LUZP2: variants seen among roughly 807,000 people sequenced by gnomAD.
The protein encoded by LUZP2 is leucine zipper protein 2.
In LUZP2, 52 loss-of-function variants were observed where a neutral mutation model predicts 51.6. The ratio of observed to expected loss-of-function variants is 1.01; its 90% CI spans 0.81 to 1.27. The LOEUF is 1.27. Among genes scored for constraint, LUZP2 ranks in the 50% most tolerant of loss-of-function variants. LUZP2 has a pLI of 0.00. For synonymous variants in LUZP2, 154 were observed against 137.3 expected (o/e 1.12, Z -0.85); for missense variants, 436 against 395.4 (o/e 1.10, Z -0.87).
chr11:24,699,677 A>G (rs1438675298), intron 1 of LUZP2, among the ~76,000 whole-genome samples: 1 of 143,290 alleles, frequency 7.0e-6, no homozygotes, highest in East Asian at 2.2e-4. Flanking sequence ...ACACACACAC[A>G]TATATACACA....
chr11:24,924,378 C>A (rs948159055), intron 7 of LUZP2, among the ~76,000 whole-genome samples: 1 of 151,856 alleles, frequency 6.6e-6, no homozygotes, highest in Non-Finnish European at 1.5e-5. Flanking sequence ...GCACCCAGCC[C>A]GCTTGCCCCT....
intron 1 of LUZP2, among the ~76,000 whole-genome samples, chr11:24,599,913 A>C (rs999541819): frequency 9.2e-5 from 14 of 152,146 alleles, no homozygotes; most frequent in African/African-American, 3.4e-4. Flanking sequence ...ACACATAAGC[A>C]TGGGTTACAT....
intron 5 of LUZP2, among the ~76,000 whole-genome samples, chr11:24,887,458 G>A (rs796710953): frequency 1.3e-5 from 2 of 152,194 alleles, no homozygotes; most frequent in African/African-American, 2.4e-5. Context: ...TAAGGTGTGG[G>A]TTATTTTAAG....
intron 7 of LUZP2, among the ~76,000 whole-genome samples, chr11:24,969,449 A>G (rs992622502): frequency 2.0e-5 from 3 of 152,100 alleles, no homozygotes; most frequent in Admixed American, 1.3e-4. Flanking sequence ...CCTGCTGTAT[A>G]TTTATTTCTT....
intron 5 of LUZP2, among the ~76,000 whole-genome samples, chr11:24,849,130 A>T (rs2716523): frequency 1.3e-3 from 200 of 152,274 alleles, no homozygotes; most frequent in African/African-American, 4.6e-3. Flanking sequence ...CTCATTTGAT[A>T]TATCTTTTTT....
chr11:24,917,010 T>C (rs910943702), intron 7 of LUZP2, among the ~76,000 whole-genome samples: 1 of 152,182 alleles, frequency 6.6e-6, no homozygotes, highest in African/African-American at 2.4e-5. Context: ...TTCCTGACTT[T>C]TTAATGATCA....
chr11:24,729,313 A>G (rs375655509), intron 2 of LUZP2, 27 bp downstream of exon 2: 5 of 1,247,214 alleles, frequency 4.0e-6, no homozygotes, highest in Non-Finnish European at 5.6e-6. Flanking sequence ...TTTTCCGAGC[A>G]GTAAAAGAGG....
At chr11:24,701,080 T>C (rs1857407255) in intron 1 of LUZP2, among the ~76,000 whole-genome samples, 1 of 152,196 alleles carries the variant, frequency 6.6e-6, no homozygotes, top group South Asian at 2.1e-4. Context: ...TGTGTTGCTA[T>C]ACAGAAATAC....
At chr11:24,744,948 C>T (rs527660497) in intron 4 of LUZP2, among the ~76,000 whole-genome samples, 1 of 152,192 alleles carries the variant, frequency 6.6e-6, no homozygotes, top group East Asian at 1.9e-4. Flanking sequence ...AAATTTCCAT[C>T]TTGATTTCAT....
chr11:24,764,002 A>G (rs1738222544), intron 5 of LUZP2, among the ~76,000 whole-genome samples: 1 of 152,202 alleles, frequency 6.6e-6, no homozygotes, highest in African/African-American at 2.4e-5. Flanking sequence ...GAAAATATCA[A>G]CATACCAGAG....
At chr11:24,619,804 A>G (rs1416093033) in intron 1 of LUZP2, among the ~76,000 whole-genome samples, 1 of 152,170 alleles carries the variant, frequency 6.6e-6, no homozygotes, top group Non-Finnish European at 1.5e-5. Flanking sequence ...TTAGGGAATA[A>G]TAATAAGAAA....
chr11:25,076,937 A>G (rs1442796768), intron 10 of LUZP2, among the ~76,000 whole-genome samples: 1 of 152,144 alleles, frequency 6.6e-6, no homozygotes, highest in Non-Finnish European at 1.5e-5. Flanking sequence ...ATTGCTTCCT[A>G]GCTTGCAATA....
intron 1 of LUZP2, among the ~76,000 whole-genome samples, chr11:24,570,852 T>G (rs2133799674): frequency 6.6e-6 from 1 of 152,172 alleles, no homozygotes. Flanking sequence ...AAAGTTTTCT[T>G]TTCATAAATT....
At chr11:24,781,559 G>C (rs540282713) in intron 5 of LUZP2, among the ~76,000 whole-genome samples, 1 of 140,630 alleles carries the variant, frequency 7.1e-6, no homozygotes, top group African/African-American at 2.7e-5. Context: ...ATGAAGACCT[G>C]TGTTTCATGA....
chr11:25,046,623 G>A (rs745436244), intron 9 of LUZP2, among the ~76,000 whole-genome samples: 1 of 152,020 alleles, frequency 6.6e-6, no homozygotes, highest in Non-Finnish European at 1.5e-5. Flanking sequence ...TTCCTTTAAG[G>A]AGCCCCAAGC....
intron 9 of LUZP2, among the ~76,000 whole-genome samples, chr11:25,026,188 T>G (rs553651497): frequency 6.6e-6 from 1 of 152,014 alleles, no homozygotes; most frequent in East Asian, 1.9e-4. Flanking sequence ...ATATACCTAA[T>G]GTACATAATG....
chr11:24,497,824 C>A (rs948046788), intron 1 of LUZP2, among the ~76,000 whole-genome samples: 11 of 152,194 alleles, frequency 7.2e-5, no homozygotes, highest in African/African-American at 2.7e-4. Flanking sequence ...CATGTTTCAA[C>A]GTCTTGGATA....
chr11:25,036,101 T>A (rs566100612), intron 9 of LUZP2, among the ~76,000 whole-genome samples: 1 of 152,258 alleles, frequency 6.6e-6, no homozygotes, highest in Non-Finnish European at 1.5e-5. Context: ...GATCTGGGAC[T>A]TTTTTGCCTG....
chr11:24,835,619 G>GA (rs1262628416), intron 5 of LUZP2, among the ~76,000 whole-genome samples: 1 of 152,018 alleles, frequency 6.6e-6, no homozygotes, highest in Non-Finnish European at 1.5e-5. Context: ...GATTAGAGAG[G>GA]AAAAATGGCT....
Sources: allele counts gnomAD v4.1 joint callset (sites outside exome capture counted in the v4.1 genomes callset), GRCh38; gene constraint gnomAD v4.1.1; transcripts MANE v1.5; gene names NCBI Gene and HGNC (gene_info 2026-07-23, HGNC 2026-07-21).